Variants in HDAC2 observed in about 807,000 individuals in gnomAD.
The protein encoded by HDAC2 is YY1-associated factor 1.
HDAC2 carries 5 observed loss-of-function variants against 68.5 expected under a neutral mutation model. The observed-to-expected ratio is 0.07, with a 90% CI of 0.04 to 0.15. The LOEUF is 0.15. Ranked by LOEUF, HDAC2 falls within the 10% of genes least tolerant of loss-of-function variation. The pLI is 1.00. For missense variants in HDAC2, 291 were observed against 600.8 expected (o/e 0.48, Z 5.39); for synonymous variants, 182 against 191.3 (o/e 0.95, Z 0.40).
intron 6 of HDAC2, 84 bp downstream of exon 6, chr6:113,953,193 G>A: frequency 1.1e-6 from 1 of 934,162 alleles, no homozygotes; most frequent in Non-Finnish European, 1.6e-6. Flanking sequence ...TATTAACTCA[G>A]GAGAAAAATA....
At chr6:113,954,168 TC>T (rs1776490509) in intron 5 of HDAC2, among the ~76,000 whole-genome samples, 1 of 152,198 alleles carries the variant, frequency 6.6e-6, no homozygotes, top group Admixed American at 6.5e-5. Context: ...TATACTCATG[TC>T]AAAATAAGGG....
chr6:113,944,878 T>C (rs1776232336), intron 10 of HDAC2, among the ~76,000 whole-genome samples: 1 of 152,230 alleles, frequency 6.6e-6, no homozygotes, highest in African/African-American at 2.4e-5. Flanking sequence ...ATCATACAGC[T>C]TGTTTGTGGT....
rs1320628753 is a variant in HDAC2 at position 113,936,237 on chromosome 6, GCCA to G, written c.*4818_*4820del. 16 of 151,988 alleles carry G rather than the reference GCCA, an allele frequency of 1.1e-4. No homozygotes were observed. Among genetic ancestry groups the G allele is most frequent in the African/African-American group, 3.1e-4 (13 of 41,434 alleles). 9.4% of individuals were successfully genotyped at this position (151,988 alleles called of 1,614,324 possible). ...TACATGTTGCTCTGCTTGTTACATG[GCCA>G]CCAAGTGACTATAAGAGAAAACACA... is the stretch of plus-strand genomic sequence containing the variant. On this transcript the variant is annotated 3_prime_UTR_variant, in exon 14 of 14. Transcript: ENST00000519065.
chr6:113,949,121 A>G (rs1447176548), intron 7 of HDAC2, 34 bp from the exon 8 acceptor site: 5 of 1,603,226 alleles, frequency 3.1e-6, no homozygotes, highest in South Asian at 1.1e-5. Context: ...AGCATCTCCA[A>G]TAACATTCTG....
chr6:113,968,354 A>G (rs1300196827), intron 1 of HDAC2: 1 of 152,218 alleles, frequency 6.6e-6, no homozygotes, highest in African/African-American at 2.4e-5. Flanking sequence ...TCTTTGATAC[A>G]GAAGCTCCTT....
At position 113,941,720 on chromosome 6, in the gene HDAC2, G is replaced by GT. The variant is rs1352627084; in HGVS notation, c.1423dup (p.Thr475AsnfsTer27). On this transcript the variant is annotated frameshift_variant, in exon 13 of 14. Transcript: ENST00000519065. LOFTEE classifies it high-confidence loss of function. ...GAACATCATTTACCCTTTGGTATCT[G>GT]TTTTTTCACCACTGTTGTCCTTGGA... is the stretch of plus-strand genomic sequence containing the variant. 1.4e-6 allele frequency: 2 copies of GT among 1,428,188 alleles called. No homozygotes were observed. Among genetic ancestry groups the GT allele is most frequent in the Non-Finnish European group, 9.6e-7 (1 of 1,042,506 alleles). The allele number at this position is 1,428,188 out of a possible 1,614,324, so 88.5% of individuals were successfully genotyped here.
Position 113,970,967 on chromosome 6 carries a change from C to T in HDAC2, c.-59G>A. On this transcript the variant is annotated 5_prime_UTR_variant, in exon 1 of 14. Coordinates refer to ENST00000519065, the MANE Select transcript of HDAC2 (RefSeq NM_001527.4). Reference sequence around the variant, plus strand: ...CCTCCTGCTGCTGCTGCTGCTGCTGCTGCCGCCGCGGCTCGGCCGGGAGAG... The same window carrying T: ...CCTCCTGCTGCTGCTGCTGCTGCTGTTGCCGCCGCGGCTCGGCCGGGAGAG... The T allele has an allele frequency of 1.3e-6, 2 of 1,565,064 alleles. No homozygotes were observed. Among genetic ancestry groups the T allele is most frequent in the Non-Finnish European group, 1.7e-6 (2 of 1,154,760 alleles).
At chr6:113,961,712 G>C (rs1273589783) in intron 1 of HDAC2, among the ~76,000 whole-genome samples, 4 of 152,124 alleles carry the variant, frequency 2.6e-5, no homozygotes, top group Non-Finnish European at 5.9e-5. Context: ...AAACCCACTA[G>C]TGTTATTACA....
intron 1 of HDAC2, among the ~76,000 whole-genome samples, chr6:113,966,521 A>T (rs1776822626): frequency 6.7e-6 from 1 of 149,774 alleles, no homozygotes. Flanking sequence ...ACGCCACTGC[A>T]CTCCAGCCTG....
chr6:113,969,110 T>G (rs573886754), intron 1 of HDAC2, among the ~76,000 whole-genome samples: 1 of 152,376 alleles, frequency 6.6e-6, no homozygotes, highest in South Asian at 2.1e-4. Flanking sequence ...GATCAGGGAA[T>G]GCAGGGCAAG....
At position 113,960,998 on chromosome 6, in the gene HDAC2, A is replaced by G. The variant is rs562562702; in HGVS notation, c.53-980T>C. ...ATTATGAGTAATCTAGAGATGACTT[A>G]AAGTGTAAGGGGAGATATACATAGG... On this transcript the variant is annotated intron_variant, in intron 1 of 13. Coordinates refer to ENST00000519065, the MANE Select transcript of HDAC2 (RefSeq NM_001527.4). Among the ~76,000 whole-genome samples the G allele has an allele frequency of 5.3e-5, 8 of 152,242 alleles. No homozygotes were observed. The South Asian group carries it at 1.7e-3, about 32-fold the overall frequency.
intron 6 of HDAC2, among the ~76,000 whole-genome samples, chr6:113,950,311 T>C (rs1776379459): frequency 6.6e-6 from 1 of 152,152 alleles, no homozygotes; most frequent in Non-Finnish European, 1.5e-5. Context: ...GAAGATACTG[T>C]ATAGTACAGA....
rs1321680501 is a variant in HDAC2, at chr6:113,956,000, T to C, written c.497+13A>G. Reference sequence around the variant, plus strand: ...TTTATCACTGAAAAGAGTATCAATATAAATTAACATACTTTAGTAATTCAA... The same window carrying C: ...TTTATCACTGAAAAGAGTATCAATACAAATTAACATACTTTAGTAATTCAA... On this transcript the variant is annotated intron_variant, in intron 5 of 13. Transcript: ENST00000519065. 1 of 1,574,382 alleles carries C rather than the reference T, an allele frequency of 6.4e-7. No individual in the cohort carries two copies. The highest frequency in any genetic ancestry group is 8.6e-7 in the Non-Finnish European group (1 of 1,156,928).
rs369677611 is a variant in HDAC2, at chr6:113,956,587, C to A, written c.358+32G>T. ...GAAAGATAACACACCAAGTTCAGATCAACTTTTAAATCTGATTGCATTAGC... is the reference window on the plus strand; with the variant it reads ...GAAAGATAACACACCAAGTTCAGATAAACTTTTAAATCTGATTGCATTAGC... On this transcript the variant is annotated intron_variant, in intron 4 of 13. Coordinates refer to ENST00000519065, the MANE Select transcript of HDAC2 (RefSeq NM_001527.4). 23 of 1,474,372 alleles carry A rather than the reference C, an allele frequency of 1.6e-5. No homozygotes were observed. In the African/African-American group the frequency reaches 2.8e-4, roughly 18 times the overall value. 91.3% of individuals were successfully genotyped at this position (1,474,372 alleles called of 1,614,324 possible).
At chr6:113,957,901 G>GA (rs543030039) in intron 3 of HDAC2, among the ~76,000 whole-genome samples, 31 of 142,874 alleles carry the variant, frequency 2.2e-4, no homozygotes, top group South Asian at 2.2e-4. Flanking sequence ...AATCTTCATT[G>GA]AAAAAAAAAA....
chr6:113,941,105 T>A lies in HDAC2; in HGVS notation c.1437-17A>T. The A allele has an allele frequency of 6.2e-7, 1 of 1,603,878 alleles. No homozygotes were observed. On this transcript the variant is annotated splice_polypyrimidine_tract_variant and intron_variant, in intron 13 of 13. Coordinates refer to ENST00000519065, the MANE Select transcript of HDAC2 (RefSeq NM_001527.4). ...GATTTGGTTCTGTTAAAAGAGGCAA[T>A]GTGAAATATTAAAAATGGCACAATC... is the stretch of plus-strand genomic sequence containing the variant.
rs1776121015 is a variant in HDAC2, at chr6:113,941,087, TTC to T, written c.1437-1_1437del. The T allele has an allele frequency of 2.5e-6, 4 of 1,609,488 alleles. 1 individual carries two copies. In the African/African-American group the frequency reaches 5.4e-5, roughly 22 times the overall value. ...GGGTTGCTGAGCTGTTCTGATTTGGTTCTGTTAAAAGAGGCAATGTGAAATAT... is the reference window on the plus strand; with the variant it reads ...GGGTTGCTGAGCTGTTCTGATTTGGTTGTTAAAAGAGGCAATGTGAAATAT... On this transcript the variant is annotated splice_acceptor_variant and coding_sequence_variant, in exon 14 of 14. Transcript: ENST00000519065. LOFTEE classifies it high-confidence loss of function.
Position 113,938,528 on chromosome 6 carries a change from C to T in HDAC2, c.*2530G>A, listed in dbSNP as rs1776057439. 1 of 152,092 alleles carries T rather than the reference C, an allele frequency of 6.6e-6. No homozygotes were observed. The highest frequency in any genetic ancestry group is 1.5e-5 in the Non-Finnish European group (1 of 68,002). 9.4% of individuals were successfully genotyped at this position (152,092 alleles called of 1,614,324 possible). On this transcript the variant is annotated 3_prime_UTR_variant, in exon 14 of 14. Coordinates refer to ENST00000519065, the MANE Select transcript of HDAC2 (RefSeq NM_001527.4). ...GAGTTTAGGTTTTTGGTAGTTTTAT[C>T]TTTTCCTATTTAAATCTTCTAGTGG... is the stretch of plus-strand genomic sequence containing the variant.
intron 5 of HDAC2, 34 bp downstream of exon 5, chr6:113,955,978 AT>A: frequency 6.7e-7 from 1 of 1,484,246 alleles, no homozygotes. Context: ...AAAACACTTT[AT>A]CACTGAAAAG....
Sources: gnomAD v4.1 joint callset for allele counts (sites outside exome capture counted in the v4.1 genomes callset) on GRCh38, gnomAD v4.1.1 for gene constraint, MANE v1.5 for transcripts, NCBI Gene and HGNC (gene_info 2026-07-23, HGNC 2026-07-21) for gene names.